Variants in PTPRQ observed in about 807,000 individuals in gnomAD.
PTPRQ encodes protein tyrosine phosphatase receptor type Q.
In PTPRQ, 199 loss-of-function variants were observed where a neutral mutation model predicts 246.0. That is an observed-to-expected ratio of 0.81 (90% CI 0.72 to 0.91). The LOEUF is 0.91. Ranked by LOEUF, PTPRQ falls within the 40% of genes least tolerant of loss-of-function variation. The pLI, the probability that PTPRQ is intolerant of heterozygous loss-of-function variation, is 0.00. For synonymous variants in PTPRQ, 869 were observed against 853.2 expected (o/e 1.02, Z -0.32); for missense variants, 2,624 against 2,528.4 (o/e 1.04, Z -0.81).
chr12:80,508,705 A>G (rs1592595845), intron 16 of PTPRQ, among the ~76,000 whole-genome samples: 1 of 152,174 alleles, frequency 6.6e-6, no homozygotes, highest in East Asian at 1.9e-4. Context: ...TTTAGAATAC[A>G]TATGCCAAAA....
chr12:80,551,281 T>G (rs892171236), intron 25 of PTPRQ, among the ~76,000 whole-genome samples: 13 of 152,112 alleles, frequency 8.5e-5, no homozygotes, highest in Non-Finnish European at 1.9e-4. Flanking sequence ...AGCCTCATAG[T>G]TTTATACAAT....
intron 39 of PTPRQ, among the ~76,000 whole-genome samples, chr12:80,664,869 A>G (rs1482679152): frequency 6.6e-6 from 1 of 152,026 alleles, no homozygotes; most frequent in Non-Finnish European, 1.5e-5. Flanking sequence ...CAGACCTGCA[A>G]ACAAAATAAT....
chr12:80,555,684 G>C (rs1023613262), intron 25 of PTPRQ, among the ~76,000 whole-genome samples: 1 of 152,064 alleles, frequency 6.6e-6, no homozygotes. Context: ...ATAAATCAGA[G>C]GGAAATAACT....
rs187715059 is a variant in PTPRQ, at chr12:80,580,470, C to T, written c.4286-7659C>T. 3.9e-5 allele frequency among the ~76,000 whole-genome samples: 6 copies of T among 152,242 alleles called. No homozygotes were observed. The East Asian group carries it at 1.2e-3, about 29-fold the overall frequency. On this transcript the variant is annotated intron_variant, in intron 25 of 44. Transcript: ENST00000644991. ...CTTAAAGAATGGAAATCTGATTCTC[C>T]ATGCTGAAATGAGTGTAATCCTTTT... is the stretch of plus-strand genomic sequence containing the variant.
At chr12:80,678,746 A>G in intron 44 of PTPRQ, 21 bp downstream of exon 44, 9 of 1,538,592 alleles carry the variant, frequency 5.8e-6, no homozygotes, top group Non-Finnish European at 7.9e-6. Context: ...ACAACAGTAT[A>G]TGCCCAGCTT....
In PTPRQ at chr12:80,495,278, G is replaced by A. The variant is rs1489399466; in HGVS notation, c.1789G>A (p.Gly597Arg). The change falls in exon 12 of 45, where the codon GGA becomes AGA. Residue 597 changes from glycine to arginine, a missense_variant. Gly to Arg is a moderately radical substitution (Grantham distance 125). Transcript: ENST00000644991. ...TTGGGATCCTCCAGAATATCCCAAT[G>A]GAAAAATAACTCACTATACGATTTA... ...LYWDPPEYPNGKITHYTIYAM... is the reference protein window; with the variant it reads ...LYWDPPEYPNRKITHYTIYAM... The A allele has an allele frequency of 2.6e-6, 4 of 1,545,404 alleles. No individual in the cohort carries two copies. The highest frequency in any genetic ancestry group is 4.0e-5 in the Admixed American group (2 of 50,072).
At chr12:80,619,598 C>T in intron 31 of PTPRQ, 56 bp downstream of exon 31, 1 of 1,328,372 alleles carries the variant, frequency 7.5e-7, no homozygotes, top group Middle Eastern at 1.9e-4. Flanking sequence ...TTACTGAGTG[C>T]TAAAAAGAAT....
At chr12:80,636,730 T>C (rs1472189713) in intron 35 of PTPRQ, among the ~76,000 whole-genome samples, 1 of 152,200 alleles carries the variant, frequency 6.6e-6, no homozygotes, top group Non-Finnish European at 1.5e-5. Context: ...AAAAGAATAC[T>C]TAGTAGCCCG....
chr12:80,669,288 T>C, intron 40 of PTPRQ, 51 bp from the exon 41 acceptor site: 1 of 1,541,990 alleles, frequency 6.5e-7, no homozygotes, highest in Non-Finnish European at 8.7e-7. Flanking sequence ...GGTATACATA[T>C]ATATCAATAT....
Position 80,588,509 on chromosome 12 carries a change from T to C in PTPRQ, c.4609+57T>C. On this transcript the variant is annotated intron_variant, in intron 26 of 44. Coordinates refer to ENST00000644991, the MANE Select transcript of PTPRQ (RefSeq NM_001145026.2). The stretch of plus-strand genomic sequence containing the variant: ...TTCTGTTATATTCTGTATCTGTCTA[T>C]ATATTATGCTTTATACTTAATCTAA... The C allele has an allele frequency of 8.7e-6, 12 of 1,381,370 alleles. 2 individuals carry two copies. In the South Asian group the frequency reaches 2.5e-4, roughly 28 times the overall value. 85.6% of individuals were successfully genotyped at this position (1,381,370 alleles called of 1,614,324 possible).
rs1898654198 is a variant in PTPRQ at position 80,613,972 on chromosome 12, A to G, written c.5163+136A>G. The G allele has an allele frequency of 3.5e-6, 4 of 1,139,206 alleles. No individual in the cohort carries two copies. The African/African-American group carries it at 6.5e-5, about 18-fold the overall frequency. 70.6% of individuals were successfully genotyped at this position (1,139,206 alleles called of 1,614,324 possible). On this transcript the variant is annotated intron_variant, in intron 29 of 44. Coordinates refer to ENST00000644991, the MANE Select transcript of PTPRQ (RefSeq NM_001145026.2). ...TGAGATTGTTTGACATCTCAACAAA[A>G]ATAAATTTTGAGAACTGAAATTACC...
At chr12:80,512,846 A>G (rs1213469287) in intron 17 of PTPRQ, 6 of 152,200 alleles carry the variant, frequency 3.9e-5, no homozygotes, top group South Asian at 4.2e-4. Context: ...GGGAAGCCCA[A>G]TGAAAGTGGG....
chr12:80,485,024 T>C (rs1409006710), intron 9 of PTPRQ, among the ~76,000 whole-genome samples: 1 of 152,080 alleles, frequency 6.6e-6, no homozygotes, highest in Non-Finnish European at 1.5e-5. Context: ...TCTGTTCTAT[T>C]TGGTCTTGGG....
At chr12:80,585,562 A>G (rs1393542820) in intron 25 of PTPRQ, among the ~76,000 whole-genome samples, 1 of 152,088 alleles carries the variant, frequency 6.6e-6, no homozygotes, top group Non-Finnish European at 1.5e-5. Context: ...AATGTCCTCT[A>G]GTGTCATGTA....
intron 8 of PTPRQ, among the ~76,000 whole-genome samples, chr12:80,476,001 G>T (rs948479945): frequency 7.2e-4 from 109 of 151,166 alleles, no homozygotes; most frequent in African/African-American, 2.6e-3. Flanking sequence ...CTTTCAATAG[G>T]CAGGGTTTAG....
intron 17 of PTPRQ, among the ~76,000 whole-genome samples, chr12:80,516,689 C>G (rs190936294): frequency 1.2e-4 from 19 of 152,224 alleles, no homozygotes; most frequent in Admixed American, 1.2e-3. Flanking sequence ...TCTAGTTTCT[C>G]CAAGTTTTCT....
chr12:80,665,662 C>A (rs1200828091), intron 39 of PTPRQ, among the ~76,000 whole-genome samples: 4 of 151,942 alleles, frequency 2.6e-5, no homozygotes, highest in Non-Finnish European at 5.9e-5. Flanking sequence ...AATGAATAGA[C>A]AATCTGCAAA....
chr12:80,464,158 A>G (rs958051381), intron 6 of PTPRQ, among the ~76,000 whole-genome samples: 2 of 150,868 alleles, frequency 1.3e-5, no homozygotes, highest in Non-Finnish European at 2.9e-5. Flanking sequence ...GGCTCAAAAT[A>G]AAAGGATGGA....
At chr12:80,479,368 T>C (rs1033014532) in intron 8 of PTPRQ, among the ~76,000 whole-genome samples, 8 of 151,816 alleles carry the variant, frequency 5.3e-5, no homozygotes, top group Non-Finnish European at 8.8e-5. Context: ...AAAGAGCTCC[T>C]GAAGGAAGCA....
Sources: allele counts gnomAD v4.1 joint callset (sites outside exome capture counted in the v4.1 genomes callset), GRCh38; gene constraint gnomAD v4.1.1; transcripts MANE v1.5; gene names NCBI Gene and HGNC (gene_info 2026-07-23, HGNC 2026-07-21).